The following UTS2B variants were observed in gnomAD, a reference collection of about 807,000 sequenced individuals.
The protein encoded by UTS2B is urotensin 2B, also known as urotensin-2B.
Under a neutral mutation model 19.2 loss-of-function variants are expected in UTS2B, and 21 were observed. That is an observed-to-expected ratio of 1.09 (90% confidence interval 0.78 to 1.58). The LOEUF is 1.58. Ranked by LOEUF, UTS2B falls within the 40% of genes most tolerant of loss-of-function variation. The pLI, the probability that UTS2B is intolerant of heterozygous loss-of-function variation, is 0.00. For synonymous variants in UTS2B, 57 were observed against 50.2 expected (o/e 1.14, Z -0.58); for missense variants, 138 against 130.3 (o/e 1.06, Z -0.29).
chr3:191,268,270 G>A lies in UTS2B; in HGVS notation c.*146C>T, dbSNP rs142439588. Reference sequence around the variant, plus strand: ...CCTGGCATTGTCTTTACACAATCCCGCATGCAATTTTGTATTTACAATAAT... The same window carrying A: ...CCTGGCATTGTCTTTACACAATCCCACATGCAATTTTGTATTTACAATAAT... On this transcript the variant is annotated 3_prime_UTR_variant, in exon 9 of 9. Transcript: ENST00000340524. 1,611 of 602,774 alleles carry A rather than the reference G, an allele frequency of 2.7e-3. 18 individuals are homozygous for A. The highest frequency in any genetic ancestry group is 0.023 in the African/African-American group (1,188 of 52,796). 37.3% of individuals were successfully genotyped at this position (602,774 alleles called of 1,614,324 possible). A position where few individuals can be genotyped will look rare whatever the true frequency, so the allele number is the denominator to read the frequency against.
the UTS2B span, among the ~76,000 whole-genome samples, chr3:191,343,653 T>C: frequency 1.3e-5 from 2 of 152,224 alleles, no homozygotes; most frequent in Non-Finnish European, 2.9e-5. Flanking sequence ...AGTTGTTTTT[T>C]AAAGAAGGTA....
intron 1 of UTS2B, chr3:191,329,737 A>G (rs1481282673): frequency 6.2e-7 from 1 of 1,607,496 alleles, no homozygotes. Flanking sequence ...AGGGCCCCGG[A>G]GGGAGAGCGC....
chr3:191,284,390 T>C (rs1282577658), intron 4 of UTS2B, among the ~76,000 whole-genome samples: 1 of 151,950 alleles, frequency 6.6e-6, no homozygotes, highest in Non-Finnish European at 1.5e-5. Flanking sequence ...GGCGTAATCA[T>C]GGTTCACTGC....
chr3:191,311,420 G>T (rs1032595870), intron 3 of UTS2B, among the ~76,000 whole-genome samples: 25 of 152,198 alleles, frequency 1.6e-4, no homozygotes, highest in African/African-American at 5.8e-4. Flanking sequence ...AGAGCAGATT[G>T]ATATCTCTTT....
chr3:191,311,197 A>G (rs1717292139), intron 3 of UTS2B, among the ~76,000 whole-genome samples: 1 of 152,246 alleles, frequency 6.6e-6, no homozygotes, highest in Non-Finnish European at 1.5e-5. Flanking sequence ...CCCTGATAGC[A>G]GTCAGTTCAG....
chr3:191,278,270 G>T (rs1388863225), intron 5 of UTS2B, 100 bp from the exon 6 acceptor site: 4 of 607,736 alleles, frequency 6.6e-6, no homozygotes, highest in Admixed American at 3.7e-5. Flanking sequence ...ATTTGACAAC[G>T]AAAGAAATGT....
intron 8 of UTS2B, among the ~76,000 whole-genome samples, chr3:191,273,967 TG>T (rs1275660908): frequency 1.3e-5 from 2 of 152,178 alleles, no homozygotes; most frequent in East Asian, 1.9e-4. Context: ...CCGGGAGTGA[TG>T]GTGCATGCCT....
upstream of UTS2B, among the ~76,000 whole-genome samples, chr3:191,331,791 G>A (rs1408467599): frequency 6.6e-6 from 1 of 152,186 alleles, no homozygotes; most frequent in African/African-American, 2.4e-5. Flanking sequence ...CTCCCTAACA[G>A]TGTCTTTATC....
intron 8 of UTS2B, among the ~76,000 whole-genome samples, chr3:191,269,003 T>A (rs1171959005): frequency 1.3e-5 from 2 of 152,232 alleles, no homozygotes; most frequent in Non-Finnish European, 2.9e-5. Context: ...ATAAAATGAT[T>A]CTTCAGAGAA....
intron 2 of UTS2B, among the ~76,000 whole-genome samples, chr3:191,327,762 G>A (rs4677628): frequency 0.68 from 103,995 of 152,098 alleles, 36,631 homozygotes; most frequent in East Asian, 0.86. Flanking sequence ...AAGTAGAAAC[G>A]ATAGATTTGG....
the UTS2B span, among the ~76,000 whole-genome samples, chr3:191,346,038 A>C: frequency 6.6e-6 from 1 of 152,222 alleles, no homozygotes; most frequent in Admixed American, 6.5e-5. Context: ...CCATTCTGAT[A>C]ATGAAAACTG....
chr3:191,312,684 T>G (rs1361152772), intron 3 of UTS2B, among the ~76,000 whole-genome samples: 1 of 152,216 alleles, frequency 6.6e-6, no homozygotes, highest in Non-Finnish European at 1.5e-5. Context: ...ATTTGCCATT[T>G]CACTTGACAA....
upstream of UTS2B, among the ~76,000 whole-genome samples, chr3:191,333,090 TC>T (rs891561049): frequency 6.6e-6 from 1 of 152,114 alleles, no homozygotes; most frequent in African/African-American, 2.4e-5. Flanking sequence ...TTCCACTGTC[TC>T]AAAGTTGGTG....
At chr3:191,273,602 T>C (rs758156524) in intron 8 of UTS2B, 13 of 456,484 alleles carry the variant, frequency 2.8e-5, no homozygotes, top group African/African-American at 1.6e-4. Flanking sequence ...GCTGCAAGCA[T>C]TGGACTCGAT....
At chr3:191,307,432 G>A (rs531977625) in intron 3 of UTS2B, among the ~76,000 whole-genome samples, 134 of 152,238 alleles carry the variant, frequency 8.8e-4, no homozygotes, top group African/African-American at 3.1e-3. Flanking sequence ...AGAAGCATAA[G>A]AGGAAAACGA....
chr3:191,330,750 C>T (rs906226859), upstream of UTS2B, among the ~76,000 whole-genome samples: 2 of 152,090 alleles, frequency 1.3e-5, no homozygotes, highest in African/African-American at 4.8e-5. Flanking sequence ...AATTTGACTC[C>T]GTTGGTCTTG....
At chr3:191,320,691 C>T (rs1487090718) in intron 2 of UTS2B, among the ~76,000 whole-genome samples, 2 of 152,124 alleles carry the variant, frequency 1.3e-5, no homozygotes, top group Non-Finnish European at 2.9e-5. Flanking sequence ...TATTTTAAAG[C>T]TTGAGTTGAC....
chr3:191,326,500 G>GA (rs199799586), intron 2 of UTS2B, among the ~76,000 whole-genome samples: 10 of 151,060 alleles, frequency 6.6e-5, no homozygotes, highest in East Asian at 3.9e-4. Context: ...TATCCACCTA[G>GA]AAAAAAAAAT....
intron 4 of UTS2B, among the ~76,000 whole-genome samples, chr3:191,292,912 T>G (rs567987938): frequency 6.6e-6 from 1 of 152,090 alleles, no homozygotes; most frequent in Admixed American, 6.6e-5. Flanking sequence ...GAGACGACTA[T>G]AGAATAAAAT....
Sources: gnomAD v4.1 joint callset for allele counts (sites outside exome capture counted in the v4.1 genomes callset) on GRCh38, gnomAD v4.1.1 for gene constraint, MANE v1.5 for transcripts, NCBI Gene and HGNC (gene_info 2026-07-23, HGNC 2026-07-21) for gene names.